FUT8: variants seen among roughly 807,000 people sequenced by gnomAD.
FUT8 encodes alpha-(1,6)-fucosyltransferase.
A neutral mutation model predicts 71.3 loss-of-function variants in FUT8; 29 were observed. That is an observed-to-expected ratio of 0.41 (90% CI 0.30 to 0.55). The LOEUF is 0.55. Ranked by LOEUF, FUT8 falls within the 20% of genes least tolerant of loss-of-function variation. The pLI is 0.34. For missense variants in FUT8, 544 were observed against 702.1 expected (o/e 0.77, Z 2.55); for synonymous variants, 254 against 239.3 (o/e 1.06, Z -0.57).
At chr14:65,442,935 C>G (rs1187629205) in intron 1 of FUT8, among the ~76,000 whole-genome samples, 1 of 151,900 alleles carries the variant, frequency 6.6e-6, no homozygotes, top group African/African-American at 2.4e-5. Context: ...AAAACTGTCA[C>G]AGACAGGAGG....
intron 2 of FUT8, among the ~76,000 whole-genome samples, chr14:65,490,345 A>C (rs2066465078): frequency 6.6e-6 from 1 of 152,110 alleles, no homozygotes; most frequent in Non-Finnish European, 1.5e-5. Flanking sequence ...TGCTCTATGC[A>C]CAGTTAAGTG....
chr14:65,485,407 T>G (rs1048700812), intron 2 of FUT8, among the ~76,000 whole-genome samples: 6 of 152,186 alleles, frequency 3.9e-5, no homozygotes, highest in Admixed American at 6.5e-5. Context: ...AGGCTTGCTT[T>G]TATGATTTTT....
At chr14:65,567,725 AACATT>A (rs1353503435) in intron 3 of FUT8, among the ~76,000 whole-genome samples, 1 of 151,918 alleles carries the variant, frequency 6.6e-6, no homozygotes, top group Non-Finnish European at 1.5e-5. Context: ...CTTCCCTGAG[AACATT>A]ACAGTGGGAA....
At chr14:65,398,880 G>A in the FUT8 span, among the ~76,000 whole-genome samples, 1 of 152,188 alleles carries the variant, frequency 6.6e-6, no homozygotes, top group African/African-American at 2.4e-5. Context: ...TTCTTTTGGT[G>A]AGCAAAGTGG....
intron 7 of FUT8, among the ~76,000 whole-genome samples, chr14:65,710,017 G>A (rs572147348): frequency 2.0e-4 from 30 of 152,244 alleles, no homozygotes; most frequent in African/African-American, 7.2e-4. Flanking sequence ...CTCTTTTTCA[G>A]TTGGTTTCAA....
chr14:65,710,993 C>T (rs1317841555), intron 7 of FUT8, among the ~76,000 whole-genome samples: 1 of 152,060 alleles, frequency 6.6e-6, no homozygotes, highest in African/African-American at 2.4e-5. Context: ...ACTAGTAGAG[C>T]AGGAACTCAC....
intron 3 of FUT8, among the ~76,000 whole-genome samples, chr14:65,606,918 T>A (rs960123415): frequency 4.6e-5 from 7 of 151,848 alleles, no homozygotes; most frequent in African/African-American, 1.7e-4. Context: ...AATTTTTTAA[T>A]GTATGAGGTA....
At chr14:65,622,580 T>G (rs374124153) in intron 5 of FUT8, among the ~76,000 whole-genome samples, 113 of 152,344 alleles carry the variant, frequency 7.4e-4, no homozygotes, top group South Asian at 7.3e-3. Flanking sequence ...GTCATCCTTC[T>G]GGAGTTTTCC....
intron 1 of FUT8, among the ~76,000 whole-genome samples, chr14:65,416,049 T>TAGA (rs2065215103): frequency 6.6e-6 from 1 of 152,240 alleles, no homozygotes; most frequent in African/African-American, 2.4e-5. Flanking sequence ...ATTATGTAAA[T>TAGA]AGAATCTCAA....
intron 1 of FUT8, among the ~76,000 whole-genome samples, chr14:65,452,395 C>T (rs2152376): frequency 0.01 from 1,579 of 152,218 alleles, 29 homozygotes; most frequent in African/African-American, 0.036. Context: ...CATTGATCCC[C>T]AAGGGATGGG....
chr14:65,696,616 C>G (rs529784795), intron 7 of FUT8, among the ~76,000 whole-genome samples: 6 of 151,942 alleles, frequency 3.9e-5, no homozygotes, highest in Middle Eastern at 6.8e-3. Flanking sequence ...GGTTTTGTGT[C>G]TCTCATTAAT....
intron 2 of FUT8, among the ~76,000 whole-genome samples, chr14:65,528,285 G>A (rs918743592): frequency 6.6e-6 from 1 of 152,234 alleles, no homozygotes; most frequent in Non-Finnish European, 1.5e-5. Flanking sequence ...CCACCTTGCA[G>A]TTCGATCTCA....
intron 9 of FUT8, among the ~76,000 whole-genome samples, chr14:65,728,322 G>A (rs1017601117): frequency 1.9e-4 from 29 of 152,174 alleles, no homozygotes; most frequent in African/African-American, 6.3e-4. Context: ...GAGGTTTAAT[G>A]GACTTACAGT....
intron 7 of FUT8, among the ~76,000 whole-genome samples, chr14:65,678,548 G>C (rs1892877211): frequency 6.6e-6 from 1 of 152,118 alleles, no homozygotes; most frequent in Admixed American, 6.6e-5. Flanking sequence ...TCTCCAAGTT[G>C]ATAGGATGAT....
chr14:65,446,474 AATAGTG>A (rs1449851971), intron 1 of FUT8, among the ~76,000 whole-genome samples: 1 of 152,208 alleles, frequency 6.6e-6, no homozygotes, highest in Non-Finnish European at 1.5e-5. Flanking sequence ...GAGGTTGCAA[AATAGTG>A]ATAGTGATAT....
chr14:65,464,508 AT>A (rs2066013668), intron 2 of FUT8, among the ~76,000 whole-genome samples: 1 of 152,018 alleles, frequency 6.6e-6, no homozygotes, highest in Admixed American at 6.6e-5. Context: ...TGTAAATTTT[AT>A]TTATCAAGTG....
At chr14:65,491,660 G>GT (rs1258190568) in intron 2 of FUT8, among the ~76,000 whole-genome samples, 1 of 152,100 alleles carries the variant, frequency 6.6e-6, no homozygotes, top group East Asian at 1.9e-4. Context: ...ATGAGGAAAG[G>GT]TAGCAGGTAA....
At chr14:65,451,684 C>T (rs1351572779) in intron 1 of FUT8, among the ~76,000 whole-genome samples, 1 of 152,156 alleles carries the variant, frequency 6.6e-6, no homozygotes, top group Non-Finnish European at 1.5e-5. Flanking sequence ...GAAAGGGACT[C>T]TCAGTGGAAA....
chr14:65,379,236 T>G, the FUT8 span, among the ~76,000 whole-genome samples: 1 of 152,026 alleles, frequency 6.6e-6, no homozygotes, highest in Non-Finnish European at 1.5e-5. Context: ...ATTCAATAAA[T>G]ATCTAGTGAG....
Sources: allele counts gnomAD v4.1 joint callset (sites outside exome capture counted in the v4.1 genomes callset), GRCh38; gene constraint gnomAD v4.1.1; transcripts MANE v1.5; gene names NCBI Gene and HGNC (gene_info 2026-07-23, HGNC 2026-07-21).